LPL: variants seen among roughly 807,000 people sequenced by gnomAD.
The protein encoded by LPL is lipoprotein lipase.
Under a neutral mutation model 52.2 loss-of-function variants are expected in LPL, and 43 were observed. The observed-to-expected ratio is 0.82, with a 90% confidence interval of 0.64 to 1.06. The LOEUF is 1.06. Ranked by LOEUF, LPL falls within the 50% of genes least tolerant of loss-of-function variation. The probability of loss-of-function intolerance (pLI) is 0.00; values close to 1 mark genes in which losing one functional copy is unlikely to be tolerated. For missense variants in LPL, 639 were observed against 585.3 expected, an observed-to-expected ratio of 1.09 and a Z score of -0.95; for synonymous variants, 244 against 215.6, an observed-to-expected ratio of 1.13 and a Z score of -1.15.
At chr8:19,962,284 T>C in intron 9 of LPL, 65 bp downstream of exon 9, 2 of 1,189,756 alleles carry the variant, frequency 1.7e-6, no homozygotes, top group Non-Finnish European at 2.5e-6. Context: ...GGCAGCTTCA[T>C]GCATTCCTCT....
Position 19,947,090 on chromosome 8 carries a change from C to T in LPL, c.89-1090C>T, listed in dbSNP as rs75219549. On this transcript the variant is annotated intron_variant, in intron 1 of 9. Coordinates refer to ENST00000650287, the MANE Select transcript of LPL (RefSeq NM_000237.3). ...CATAGCACGGGTATTTCTGAACAAC[C>T]TACTAAATTATTTCTTAGAACATTT... Among the ~76,000 whole-genome samples the T allele has an allele frequency of 7.3e-3, 1,116 of 152,278 alleles. 11 individuals carry two copies. The highest frequency in any genetic ancestry group is 0.014 in the Middle Eastern group (4 of 294).
intron 3 of LPL, among the ~76,000 whole-genome samples, chr8:19,952,899 T>A (rs537152553): frequency 6.6e-6 from 1 of 152,182 alleles, no homozygotes; most frequent in Non-Finnish European, 1.5e-5. Context: ...TACACACATA[T>A]ACATATATGC....
chr8:19,954,424 A>G (rs1563575426), intron 5 of LPL, 71 bp downstream of exon 5: 2 of 1,424,992 alleles, frequency 1.4e-6, no homozygotes, highest in Non-Finnish European at 2.0e-6. Flanking sequence ...TGTCCTACTC[A>G]GTAGCTTCAA....
chr8:19,953,888 A>G (rs1376156025), intron 4 of LPL, among the ~76,000 whole-genome samples: 1 of 152,238 alleles, frequency 6.6e-6, no homozygotes, highest in African/African-American at 2.4e-5. Flanking sequence ...AAGGAAATCC[A>G]GCCATCCTGA....
At position 19,948,265 on chromosome 8, in the gene LPL, C is replaced by T. The variant is rs372554872; in HGVS notation, c.174C>T (p.Pro58=). Residue 58 remains proline, a synonymous_variant, in exon 2 of 10, where the codon CCC becomes CCT. Coordinates refer to ENST00000650287, the MANE Select transcript of LPL (RefSeq NM_000237.3). ...DTAEDTCHLI[P]GVAESVATCH... ...CTGAGGACACTTGCCACCTCATTCC[C>T]GGAGTAGCAGAGTCCGTGGCTACCT... The T allele has an allele frequency of 3.7e-5, 60 of 1,613,952 alleles. No individual in the cohort carries two copies. The highest frequency in any genetic ancestry group is 5.0e-5 in the Admixed American group (3 of 59,986).
At chr8:19,953,448 T>C (rs773900656) in intron 4 of LPL, 27 bp downstream of exon 4, 2 of 1,525,808 alleles carry the variant, frequency 1.3e-6, no homozygotes, top group Non-Finnish European at 9.1e-7. Flanking sequence ...GTTGGTCTTA[T>C]CATAAGAGGT....
At chr8:19,965,098 C>T (rs1435429324) in intron 9 of LPL, among the ~76,000 whole-genome samples, 4 of 150,994 alleles carry the variant, frequency 2.6e-5, no homozygotes, top group Non-Finnish European at 2.9e-5. Flanking sequence ...CTTATTGGGA[C>T]GGGGCTAAAT....
intron 4 of LPL, 33 bp from the exon 5 acceptor site, chr8:19,954,087 C>G (rs776249295): frequency 3.7e-5 from 55 of 1,494,850 alleles, no homozygotes; most frequent in Non-Finnish European, 4.9e-5. Flanking sequence ...TGGAAATTTA[C>G]AAATCTGTGT....
At chr8:19,961,828 A>T (rs1312091724) in intron 8 of LPL, among the ~76,000 whole-genome samples, 2 of 152,142 alleles carry the variant, frequency 1.3e-5, no homozygotes, top group African/African-American at 2.4e-5. Context: ...GGCAGAGTTG[A>T]TCTTTTATCA....
In LPL at chr8:19,951,670, C is replaced by G. The variant is rs547462127; in HGVS notation, c.250-99C>G. On this transcript the variant is annotated intron_variant, in intron 2 of 9. Transcript: ENST00000650287. Reference sequence around the variant, plus strand: ...CTATCTGTGCCAATGGGTTTCCAATCAAGTTTGTTTTTTCCATTTCATGCA... The same window carrying G: ...CTATCTGTGCCAATGGGTTTCCAATGAAGTTTGTTTTTTCCATTTCATGCA... 5 of 1,307,710 alleles carry G rather than the reference C, an allele frequency of 3.8e-6. No homozygotes were observed. In the East Asian group the frequency reaches 9.2e-5, roughly 24 times the overall value. The allele number at this position is 1,307,710 out of a possible 1,614,324, so 81.0% of individuals were successfully genotyped here. A position where few individuals can be genotyped will look rare whatever the true frequency, so the allele number is the denominator to read the frequency against.
chr8:19,951,931 T>C lies in LPL; in HGVS notation c.412T>C (p.Phe138Leu). ...ACTGGTGGGACAGGATGTGGCCCGG[T>C]TTATCAACTGGATGGAGGTAAGACT... Reference protein sequence around the residue: ...TKLVGQDVARFINWMEEEFNY... With the variant: ...TKLVGQDVARLINWMEEEFNY... Residue 138 changes from phenylalanine (F) to leucine (L), a missense_variant, in exon 3 of 10, where the codon TTT becomes CTT. Transcript: ENST00000650287. 2 of 1,614,040 alleles carry C rather than the reference T, an allele frequency of 1.2e-6. No homozygotes were observed. Among genetic ancestry groups the C allele is most frequent in the African/African-American group, 1.3e-5 (1 of 74,984 alleles).
At position 19,965,467 on chromosome 8, in the gene LPL, G is replaced by T; in HGVS notation, c.*157G>T. 1 of 636,268 alleles carries T rather than the reference G, an allele frequency of 1.6e-6. No homozygotes were observed. 39.4% of individuals were successfully genotyped at this position (636,268 alleles called of 1,614,324 possible). On this transcript the variant is annotated 3_prime_UTR_variant, in exon 10 of 10. Transcript: ENST00000650287. ...AGCCCTACCCTTGTTAGTTATTTTA[G>T]GAGACAGTCTCAAGCACTAAAAAGT...
In LPL at chr8:19,948,280, C is replaced by G; in HGVS notation, c.189C>G (p.Ser63=). Reference sequence around the variant, plus strand: ...ACCTCATTCCCGGAGTAGCAGAGTCCGTGGCTACCTGTCATTTCAATCACA... The same window carrying G: ...ACCTCATTCCCGGAGTAGCAGAGTCGGTGGCTACCTGTCATTTCAATCACA... The part of the protein sequence containing the change: ...TCHLIPGVAE[S]VATCHFNHSS... Residue 63 remains serine (S), a synonymous_variant, in exon 2 of 10, where the codon TCC becomes TCG. Transcript: ENST00000650287. The G allele has an allele frequency of 6.2e-7, 1 of 1,614,090 alleles. No homozygotes were observed. The highest frequency in any genetic ancestry group is 8.5e-7 in the Non-Finnish European group (1 of 1,180,010).
intron 6 of LPL, among the ~76,000 whole-genome samples, chr8:19,957,566 G>C (rs2069997564): frequency 6.6e-6 from 1 of 152,182 alleles, no homozygotes; most frequent in South Asian, 2.1e-4. Flanking sequence ...TCAAGGCTCT[G>C]TCAGTGTCCC....
At position 19,954,346 on chromosome 8, in the gene LPL, A is replaced by C; in HGVS notation, c.768A>C (p.Gly256=). Residue 256 remains glycine (G), a synonymous_variant, in exon 5 of 10, where the codon GGA becomes GGC. Coordinates refer to ENST00000650287, the MANE Select transcript of LPL (RefSeq NM_000237.3). ...CTATCCGCGTGATTGCAGAGAGAGGACTTGGAGGTAAATATTATTTAGAAG... is the reference window on the plus strand; with the variant it reads ...CTATCCGCGTGATTGCAGAGAGAGGCCTTGGAGGTAAATATTATTTAGAAG... ...GEAIRVIAER[G]LGDVDQLVKC... is the part of the protein sequence containing the mutation. 1 of 1,613,240 alleles carries C rather than the reference A, an allele frequency of 6.2e-7. No individual in the cohort carries two copies. Among genetic ancestry groups the C allele is most frequent in the South Asian group, 1.1e-5 (1 of 91,062 alleles).
intron 1 of LPL, among the ~76,000 whole-genome samples, chr8:19,945,078 G>C (rs576406445): frequency 6.6e-5 from 10 of 152,214 alleles, no homozygotes; most frequent in South Asian, 4.1e-4. Flanking sequence ...CATGGCAAAA[G>C]ACAGTCTAGT....
At position 19,950,901 on chromosome 8, in the gene LPL, G is replaced by GGAAGGAAGGAAGGAAT. The variant is rs1281386390; in HGVS notation, c.250-852_250-837dup. On this transcript the variant is annotated intron_variant, in intron 2 of 9. Transcript: ENST00000650287. This position sits in a 1 kb window ranked among gnomAD's most constrained non-coding sequence, Gnocchi z 4.2. ...AGGGAGGAAGGAAGGAAGGAATGAA[G>GGAAGGAAGGAAGGAAT]GAAGGAAGGAAGGAATGAAGGAAGG... 2.7e-5 allele frequency among the ~76,000 whole-genome samples: 4 copies of GGAAGGAAGGAAGGAAT among 148,234 alleles called. No homozygotes were observed. The highest frequency in any genetic ancestry group is 1.3e-4 in the Admixed American group (2 of 14,816).
At chr8:19,959,620 C>A (rs1366870187) in intron 7 of LPL, among the ~76,000 whole-genome samples, 1 of 151,548 alleles carries the variant, frequency 6.6e-6, no homozygotes, top group Non-Finnish European at 1.5e-5. Context: ...CTGTTTATTT[C>A]TTTTATAAAG....
chr8:19,963,341 C>T (rs889361795), intron 9 of LPL, among the ~76,000 whole-genome samples: 39 of 150,812 alleles, frequency 2.6e-4, no homozygotes, highest in Admixed American at 1.5e-3. Context: ...CAGGCTGAGG[C>T]GGGAGAATTG....
Sources: gnomAD v4.1 joint callset for allele counts (sites outside exome capture counted in the v4.1 genomes callset) on GRCh38, gnomAD v4.1.1 for gene constraint, Gnocchi (gnomAD v3.1) non-coding constraint, MANE v1.5 for transcripts, NCBI Gene and HGNC (gene_info 2026-07-23, HGNC 2026-07-21) for gene names.